ZNF536: variants seen among roughly 807,000 people sequenced by gnomAD.
ZNF536 encodes zinc finger protein 536.
A neutral mutation model predicts 84.5 loss-of-function variants in ZNF536; 13 were observed. The observed-to-expected ratio is 0.15, with a 90% CI of 0.10 to 0.24. The LOEUF is 0.24. ZNF536 is among the 10% of genes least tolerant of loss of function. ZNF536 has a pLI of 1.00. For missense variants in ZNF536, 1,536 were observed against 1,747.5 expected (o/e 0.88, Z 2.16); for synonymous variants, 811 against 742.5 (o/e 1.09, Z -1.50).
chr19:30,272,457 A>T (rs2867023), intron 1 of ZNF536, among the ~76,000 whole-genome samples: 1 of 151,962 alleles, frequency 6.6e-6, no homozygotes, highest in African/African-American at 2.4e-5. Flanking sequence ...TTATATTCAG[A>T]TTCACTCTTT....
chr19:30,566,557 C>T (rs207477153), intron 1 of ZNF536, among the ~76,000 whole-genome samples: 1 of 152,246 alleles, frequency 6.6e-6, no homozygotes, highest in Non-Finnish European at 1.5e-5. Flanking sequence ...CTTGTCACAC[C>T]TAAGATCACT....
At chr19:30,712,673 C>A (rs1177058756) in exon 2 of ZNF536, 4 of 152,198 alleles carry the variant, frequency 2.6e-5, no homozygotes, top group Admixed American at 2.0e-4. Context: ...GGTCGCTGTG[C>A]AACTTGGACC....
chr19:30,670,165 T>C (rs1005156582), intron 1 of ZNF536, among the ~76,000 whole-genome samples: 4 of 152,116 alleles, frequency 2.6e-5, no homozygotes, highest in Admixed American at 2.0e-4. Flanking sequence ...CTTAGTGCAA[T>C]GGGGGAACGA....
At chr19:30,656,524 G>T (rs2049921699) in intron 1 of ZNF536, among the ~76,000 whole-genome samples, 1 of 152,158 alleles carries the variant, frequency 6.6e-6, no homozygotes, top group African/African-American at 2.4e-5. Context: ...TGGAACTGTT[G>T]GCTGTCAATG....
rs1424080349 is a variant in ZNF536 at position 30,549,379 on chromosome 19, G to C, written c.3760G>C (p.Gly1254Arg). The C allele has an allele frequency of 1.6e-5, 25 of 1,599,358 alleles. No homozygotes were observed. Among genetic ancestry groups the C allele is most frequent in the Non-Finnish European group, 2.0e-5 (24 of 1,172,436 alleles). The change falls in exon 4 of 5, where the codon GGG becomes CGG. Residue 1254 changes from glycine (G) to arginine (R), a missense_variant. By Grantham distance (125) the Gly-to-Arg change is moderately radical. Coordinates refer to ENST00000355537, the MANE Select transcript of ZNF536 (RefSeq NM_014717.3). ...PLAGLPKPERGPQSLDKPMNM... is the reference protein window; with the variant it reads ...PLAGLPKPERRPQSLDKPMNM... The stretch of plus-strand genomic sequence containing the variant: ...GGCGGGCCTGCCAAAGCCGGAGCGG[G>C]GGCCCCAGAGCCTGGACAAGCCGAT...
chr19:30,555,619 T>C (rs2045937564), intron 4 of ZNF536: 1 of 152,178 alleles, frequency 6.6e-6, no homozygotes, highest in Non-Finnish European at 1.5e-5. Flanking sequence ...CCTCAGTCTT[T>C]GACCAAGAAA....
intron 1 of ZNF536, among the ~76,000 whole-genome samples, chr19:30,677,804 G>A (rs1434928058): frequency 6.6e-6 from 1 of 152,208 alleles, no homozygotes. Context: ...GAGGGGTGCT[G>A]CACGTGGCCT....
At chr19:30,450,307 G>A (rs1221603506) in intron 2 of ZNF536, among the ~76,000 whole-genome samples, 2 of 152,104 alleles carry the variant, frequency 1.3e-5, no homozygotes. Flanking sequence ...GGAGGCTGCA[G>A]CAACAGGGGG....
chr19:30,482,452 G>GTTAGGAGC (rs1555779171), intron 2 of ZNF536, among the ~76,000 whole-genome samples: 1 of 152,102 alleles, frequency 6.6e-6, no homozygotes, highest in Non-Finnish European at 1.5e-5. Context: ...CCTAACCATT[G>GTTAGGAGC]TCCCATCACT....
At chr19:30,465,916 A>G (rs1212970593) in intron 2 of ZNF536, among the ~76,000 whole-genome samples, 3 of 151,892 alleles carry the variant, frequency 2.0e-5, no homozygotes, top group African/African-American at 7.3e-5. Context: ...ACACCCAGCT[A>G]ATTTTTTATA....
intron 1 of ZNF536, among the ~76,000 whole-genome samples, chr19:30,582,260 C>A (rs1469859633): frequency 6.6e-6 from 1 of 152,070 alleles, no homozygotes; most frequent in Admixed American, 6.6e-5. Context: ...GTGCCTACTG[C>A]CAAGGGAGCC....
intron 1 of ZNF536, among the ~76,000 whole-genome samples, chr19:30,389,158 C>T (rs1469210413): frequency 1.3e-5 from 2 of 152,228 alleles, no homozygotes; most frequent in African/African-American, 4.8e-5. Context: ...AGTCCGCACA[C>T]GTTCCACGTG....
At chr19:30,672,275 T>C (rs1434592249) in intron 1 of ZNF536, among the ~76,000 whole-genome samples, 1 of 152,240 alleles carries the variant, frequency 6.6e-6, no homozygotes, top group Non-Finnish European at 1.5e-5. Context: ...ATTGTGCTGA[T>C]GTTATAGAGA....
At chr19:30,649,360 G>A (rs1235212116) in intron 1 of ZNF536, among the ~76,000 whole-genome samples, 2 of 152,086 alleles carry the variant, frequency 1.3e-5, no homozygotes, top group Non-Finnish European at 2.9e-5. Flanking sequence ...TCTTAACAGG[G>A]GGACATACAC....
chr19:30,281,793 C>A (rs1379632773), intron 1 of ZNF536, among the ~76,000 whole-genome samples: 1 of 152,152 alleles, frequency 6.6e-6, no homozygotes, highest in East Asian at 1.9e-4. Context: ...TAGTTCATAC[C>A]ATGCTTTTTG....
intron 1 of ZNF536, among the ~76,000 whole-genome samples, chr19:30,571,899 G>A (rs1260293939): frequency 2.0e-5 from 3 of 152,176 alleles, no homozygotes; most frequent in Non-Finnish European, 4.4e-5. Context: ...GTTGGAGAGA[G>A]GACTTGCCCT....
At chr19:30,268,277 C>T (rs1158598108) in intron 1 of ZNF536, among the ~76,000 whole-genome samples, 5 of 152,136 alleles carry the variant, frequency 3.3e-5, no homozygotes, top group African/African-American at 9.7e-5. Flanking sequence ...AGGATTCTTA[C>T]TATTGCAGGA....
chr19:30,269,735 T>C (rs1568291214), intron 1 of ZNF536, among the ~76,000 whole-genome samples: 1 of 152,184 alleles, frequency 6.6e-6, no homozygotes. Context: ...GCTCCTGGCC[T>C]GTGTTTGTAC....
chr19:30,244,861 T>C (rs1466684862), intron 1 of ZNF536, among the ~76,000 whole-genome samples: 1 of 152,210 alleles, frequency 6.6e-6, no homozygotes, highest in Non-Finnish European at 1.5e-5. Context: ...AGCTGTTTCT[T>C]ACCTTTAGGA....
Sources: allele counts gnomAD v4.1 joint callset (sites outside exome capture counted in the v4.1 genomes callset), GRCh38; gene constraint gnomAD v4.1.1; transcripts MANE v1.5; gene names NCBI Gene and HGNC (gene_info 2026-07-23, HGNC 2026-07-21).